Variants in NR3C2 observed in about 807,000 individuals in gnomAD.
NR3C2 encodes the protein mineralocorticoid receptor.
NR3C2 carries 15 observed loss-of-function variants against 86.4 expected under a neutral mutation model. That is an observed-to-expected ratio of 0.17 (90% CI 0.12 to 0.27). The LOEUF is 0.27. Among genes scored for constraint, NR3C2 ranks in the 10% least tolerant of loss-of-function variants. The pLI, the probability that NR3C2 is intolerant of heterozygous loss-of-function variation, is 1.00. For synonymous variants in NR3C2, 458 were observed against 450.5 expected (o/e 1.02, Z -0.21); for missense variants, 960 against 1,195.6 (o/e 0.80, Z 2.91).
At chr4:148,105,592 A>C (rs4835480) in intron 8 of NR3C2, among the ~76,000 whole-genome samples, 112,245 of 152,110 alleles carry the variant, frequency 0.74, 41,786 homozygotes, top group African/African-American at 0.8. Flanking sequence ...AACTTCAGGC[A>C]AATATCCCTG....
intron 3 of NR3C2, among the ~76,000 whole-genome samples, chr4:148,241,748 G>T (rs1381830982): frequency 3.3e-5 from 5 of 152,146 alleles, no homozygotes; most frequent in African/African-American, 1.2e-4. Flanking sequence ...GGTAGCCTCT[G>T]CCCCCAGTGC....
chr4:148,228,975 A>G (rs1305331171), intron 3 of NR3C2, among the ~76,000 whole-genome samples: 2 of 152,238 alleles, frequency 1.3e-5, no homozygotes, highest in African/African-American at 4.8e-5. Flanking sequence ...AGAAGGGATG[A>G]ACAATTATGG....
At chr4:148,310,878 C>G (rs942084556) in intron 2 of NR3C2, among the ~76,000 whole-genome samples, 1 of 152,166 alleles carries the variant, frequency 6.6e-6, no homozygotes, top group African/African-American at 2.4e-5. Context: ...TCTCCAGTTT[C>G]TCTCCTCCCA....
intron 2 of NR3C2, among the ~76,000 whole-genome samples, chr4:148,414,036 A>G (rs939523526): frequency 2.0e-5 from 3 of 152,178 alleles, no homozygotes; most frequent in African/African-American, 7.2e-5. Context: ...TATCAGCAAT[A>G]AAACTGGAAA....
intron 2 of NR3C2, among the ~76,000 whole-genome samples, chr4:148,298,574 A>C (rs1164373365): frequency 6.6e-6 from 1 of 152,242 alleles, no homozygotes; most frequent in Non-Finnish European, 1.5e-5. Flanking sequence ...AAATTAAGGA[A>C]CTGAAATATG....
At chr4:148,141,349 A>C (rs1310199673) in intron 6 of NR3C2, among the ~76,000 whole-genome samples, 2 of 151,706 alleles carry the variant, frequency 1.3e-5, no homozygotes, top group African/African-American at 4.8e-5. Flanking sequence ...CAGGAGAATC[A>C]CTTGAACCCA....
At chr4:148,410,323 T>A (rs908211646) in intron 2 of NR3C2, among the ~76,000 whole-genome samples, 1 of 152,180 alleles carries the variant, frequency 6.6e-6, no homozygotes, top group African/African-American at 2.4e-5. Context: ...AGTACTTAAG[T>A]TATCTAATAA....
At chr4:148,411,445 T>C (rs1182350741) in intron 2 of NR3C2, among the ~76,000 whole-genome samples, 1 of 152,246 alleles carries the variant, frequency 6.6e-6, no homozygotes, top group Non-Finnish European at 1.5e-5. Context: ...TTTGTTCCCC[T>C]GTCCCTCCCT....
Position 148,114,186 on chromosome 4 carries a change from A to G in NR3C2, c.2717T>C (p.Met906Thr). 1 of 1,613,942 alleles carries G rather than the reference A, an allele frequency of 6.2e-7. No homozygotes were observed. Among genetic ancestry groups the G allele is most frequent in the Non-Finnish European group, 8.5e-7 (1 of 1,179,946 alleles). ...AGAATTGTTGGGACACTTAGTTACC[A>G]TCTTCCTCAGTTCTTTGATGTAATT... ...RTNYIKELRKMVTKCPNNSGQ... is the reference protein window; with the variant it reads ...RTNYIKELRKTVTKCPNNSGQ... Residue 906 changes from methionine to threonine, a missense_variant, in exon 8 of 9, where the codon ATG becomes ACG. Physicochemically the swap from Met to Thr is moderately conservative, Grantham distance 81. Around this residue, in one of 4 missense-constraint regions of NR3C2, gnomAD observed 151 missense variants for 296.3 expected, o/e 0.51. Coordinates refer to ENST00000358102, the MANE Select transcript of NR3C2 (RefSeq NM_000901.5).
chr4:148,362,500 T>G (rs1017997294), intron 2 of NR3C2, among the ~76,000 whole-genome samples: 1 of 152,204 alleles, frequency 6.6e-6, no homozygotes, highest in African/African-American at 2.4e-5. Flanking sequence ...AAAAATGAAA[T>G]TTTTTGAAGT....
At chr4:148,081,698 A>G (rs1010339051) in intron 8 of NR3C2, among the ~76,000 whole-genome samples, 199 bp from the exon 9 acceptor site, 4 of 152,216 alleles carry the variant, frequency 2.6e-5, no homozygotes, top group Non-Finnish European at 5.9e-5. Flanking sequence ...TCTGCCTTTC[A>G]TGGAAAACAA....
intron 2 of NR3C2, among the ~76,000 whole-genome samples, chr4:148,275,910 G>GT (rs902453159): frequency 1.6e-4 from 24 of 151,752 alleles, no homozygotes; most frequent in East Asian, 5.8e-4. Context: ...TCAACTTAGG[G>GT]TTTTTTTTAA....
intron 2 of NR3C2, among the ~76,000 whole-genome samples, chr4:148,356,453 A>G (rs1745552362): frequency 6.6e-6 from 1 of 152,172 alleles, no homozygotes; most frequent in Admixed American, 6.5e-5. Context: ...GGGGAGAAAA[A>G]AGTGACGTTT....
chr4:148,102,587 A>T (rs1731588065), intron 8 of NR3C2, among the ~76,000 whole-genome samples: 1 of 151,992 alleles, frequency 6.6e-6, no homozygotes, highest in Admixed American at 6.6e-5. Flanking sequence ...AGGAGTCATC[A>T]TTCCACCACC....
chr4:148,126,689 A>AT (rs768602959), intron 6 of NR3C2, among the ~76,000 whole-genome samples: 60 of 151,936 alleles, frequency 3.9e-4, no homozygotes, highest in African/African-American at 1.1e-3. Context: ...TAAAGAAAGC[A>AT]TTTTTTTTGC....
chr4:148,211,278 T>C (rs1028158405), intron 3 of NR3C2, among the ~76,000 whole-genome samples: 7 of 152,224 alleles, frequency 4.6e-5, no homozygotes, highest in Non-Finnish European at 8.8e-5. Context: ...AAATATAAGA[T>C]TGTGTATGCA....
intron 3 of NR3C2, among the ~76,000 whole-genome samples, chr4:148,243,736 C>T (rs1304096363): frequency 1.3e-5 from 2 of 152,184 alleles, no homozygotes; most frequent in African/African-American, 4.8e-5. Context: ...TACAATGACA[C>T]ATTCATAGAT....
In NR3C2 at chr4:148,355,890, A is replaced by T. The variant is rs72656852; in HGVS notation, c.1757+79214T>A. ...TGGACCTGCTACCTGACCCTGGCCA[A>T]ATTACTTAACCTTTCTGGGCCTGTC... On this transcript the variant is annotated intron_variant, in intron 2 of 8. Transcript: ENST00000358102. Among the ~76,000 whole-genome samples the T allele has an allele frequency of 1.6e-3, 249 of 152,328 alleles. 1 individual carries two copies. The highest frequency in any genetic ancestry group is 5.6e-3 in the African/African-American group (234 of 41,584).
At chr4:148,254,833 A>C (rs1009665683) in intron 3 of NR3C2, among the ~76,000 whole-genome samples, 2 of 152,208 alleles carry the variant, frequency 1.3e-5, no homozygotes, top group African/African-American at 4.8e-5. Context: ...TCAGATGCTC[A>C]TAAGCTTCCT....
Sources: allele counts gnomAD v4.1 joint callset (sites outside exome capture counted in the v4.1 genomes callset), GRCh38; gene constraint gnomAD v4.1.1; regional missense constraint gnomAD v4.1.1; transcripts MANE v1.5; gene names NCBI Gene and HGNC (gene_info 2026-07-23, HGNC 2026-07-21).